Variants in ELAPOR2 observed in about 807,000 individuals in gnomAD.
ELAPOR2 encodes endosome/lysosome-associated apoptosis and autophagy regulator family member 2.
A neutral mutation model predicts 120.7 loss-of-function variants in ELAPOR2; 89 were observed. That is an observed-to-expected ratio of 0.74 (90% CI 0.62 to 0.88). ELAPOR2 has a LOEUF of 0.88. ELAPOR2 is among the 40% of genes least tolerant of loss of function. The probability of loss-of-function intolerance (pLI) is 0.00; values close to 1 mark genes in which losing one functional copy is unlikely to be tolerated. For missense variants in ELAPOR2, 1,134 were observed against 1,251.6 expected (o/e 0.91, Z 1.42); for synonymous variants, 444 against 444.9 (o/e 1.00, Z 0.03).
chr7:86,933,278 T>C (rs945277082), intron 8 of ELAPOR2, among the ~76,000 whole-genome samples: 1 of 151,964 alleles, frequency 6.6e-6, no homozygotes, highest in Non-Finnish European at 1.5e-5. Context: ...AATCATGAGA[T>C]GCTCTGTCAA....
intron 1 of ELAPOR2, among the ~76,000 whole-genome samples, chr7:87,006,375 G>T (rs1163666543): frequency 1.3e-5 from 2 of 151,804 alleles, no homozygotes; most frequent in Admixed American, 6.6e-5. Context: ...GGCCTGTTGG[G>T]GGGTGGGGGG....
chr7:87,040,798 G>A (rs1794759067), intron 1 of ELAPOR2, among the ~76,000 whole-genome samples: 1 of 152,220 alleles, frequency 6.6e-6, no homozygotes, highest in African/African-American at 2.4e-5. Flanking sequence ...GAAGGCTTCA[G>A]ACAATCAAAT....
chr7:86,916,501 G>T (rs1023763790), intron 12 of ELAPOR2, among the ~76,000 whole-genome samples: 1 of 152,178 alleles, frequency 6.6e-6, no homozygotes, highest in Non-Finnish European at 1.5e-5. Flanking sequence ...GGAAACAGAG[G>T]CTGGGGAAAG....
chr7:86,893,558 T>A (rs1788286647), intron 19 of ELAPOR2, among the ~76,000 whole-genome samples: 2 of 152,080 alleles, frequency 1.3e-5, no homozygotes, highest in South Asian at 2.1e-4. Flanking sequence ...AAGCCCATTT[T>A]CCCAATAAGC....
chr7:86,909,832 A>C lies in ELAPOR2; in HGVS notation c.2339T>G (p.Ile780Ser). ...FRAALSSQSI[I>S]LADTFIGVTV... ...CTTACCTATGAATGTATCTGCCAGA[A>C]TGATGGATTGTGATGATAAGGCTGC... The change falls in exon 16 of 22, where the codon ATT (isoleucine) becomes AGT (serine). Residue 780 changes from isoleucine (I) to serine (S), a missense_variant. This residue lies in a region of ELAPOR2 where 831 missense variants were observed against 867.6 expected (regional missense o/e 0.96). Transcript: ENST00000450689. 1 of 1,611,402 alleles carries C rather than the reference A, an allele frequency of 6.2e-7. No homozygotes were observed.
intron 1 of ELAPOR2, among the ~76,000 whole-genome samples, chr7:86,993,246 A>AAAAAAAAAAG (rs796528835): frequency 6.9e-6 from 1 of 143,988 alleles, no homozygotes; most frequent in African/African-American, 2.6e-5. Context: ...AAAAAAAAAA[A>AAAAAAAAAAG]AAAAGAAAAA....
At chr7:87,023,406 T>C (rs1330129894) in intron 1 of ELAPOR2, among the ~76,000 whole-genome samples, 1 of 152,222 alleles carries the variant, frequency 6.6e-6, no homozygotes, top group African/African-American at 2.4e-5. Context: ...AGGGCTCTGT[T>C]CTGTTCCATT....
intron 6 of ELAPOR2, 72 bp from the exon 7 acceptor site, chr7:86,939,032 C>G: frequency 5.3e-6 from 8 of 1,523,574 alleles, no homozygotes; most frequent in African/African-American, 1.4e-5. Context: ...CCTACTTCTG[C>G]TTCTACCCAG....
chr7:86,970,581 A>G (rs1003239960), intron 1 of ELAPOR2, among the ~76,000 whole-genome samples: 1 of 152,192 alleles, frequency 6.6e-6, no homozygotes, highest in Admixed American at 6.6e-5. Flanking sequence ...TCCAGTTGCA[A>G]TGAGTGTGCA....
intron 2 of ELAPOR2, among the ~76,000 whole-genome samples, chr7:86,957,162 A>C (rs533556918): frequency 2.6e-4 from 40 of 152,174 alleles, no homozygotes; most frequent in Non-Finnish European, 4.3e-4. Flanking sequence ...CTAACCTTTC[A>C]GCTATCACTT....
At chr7:87,058,786 A>C (rs1795341554) in intron 1 of ELAPOR2, among the ~76,000 whole-genome samples, 1 of 152,116 alleles carries the variant, frequency 6.6e-6, no homozygotes, top group Non-Finnish European at 1.5e-5. Flanking sequence ...ACATTTTGTC[A>C]GAAGGATGCT....
rs145997702 is a variant in ELAPOR2, at chr7:87,010,291, C to T, written c.190-45267G>A. On this transcript the variant is annotated intron_variant, in intron 1 of 21. Transcript: ENST00000450689. The stretch of plus-strand genomic sequence containing the variant: ...AAACTGGGATTCAAGTAGAGCTAAA[C>T]TGATTTAACAGATATAAATGGAGTC... Among the ~76,000 whole-genome samples the T allele has an allele frequency of 8.9e-3, 1,362 of 152,260 alleles. 21 individuals carry two copies. Among genetic ancestry groups the T allele is most frequent in the Non-Finnish European group, 0.011 (734 of 68,014 alleles).
Sources: gnomAD v4.1 joint callset for allele counts (sites outside exome capture counted in the v4.1 genomes callset) on GRCh38, gnomAD v4.1.1 for gene constraint, gnomAD v4.1.1 regional missense constraint, MANE v1.5 for transcripts, NCBI Gene and HGNC (gene_info 2026-07-23, HGNC 2026-07-21) for gene names.